The following LRCH3 variants were observed in gnomAD, a reference collection of about 807,000 sequenced individuals.
LRCH3 encodes leucine rich repeats and calponin homology domain containing 3.
LRCH3 carries 68 observed loss-of-function variants against 104.5 expected under a neutral mutation model. The observed-to-expected ratio is 0.65, with a 90% CI of 0.54 to 0.80. The LOEUF is 0.80. Among genes scored for constraint, LRCH3 ranks in the 30% least tolerant of loss-of-function variants. The pLI is 0.00. For synonymous variants in LRCH3, 344 were observed against 361.3 expected, an observed-to-expected ratio of 0.95 and a Z score of 0.54; for missense variants, 951 against 953.9, an observed-to-expected ratio of 1.00 and a Z score of 0.04.
At chr3:197,870,686 G>A (rs1022230003) in intron 18 of LRCH3, among the ~76,000 whole-genome samples, 1 of 151,272 alleles carries the variant, frequency 6.6e-6, no homozygotes, top group South Asian at 2.1e-4. Flanking sequence ...ACAGATTAGT[G>A]CTGGGATTGC....
Position 197,883,744 on chromosome 3 carries a change from T to C in LRCH3, c.*78T>C. On this transcript the variant is annotated 3_prime_UTR_variant, in exon 21 of 21. Transcript: ENST00000425562. The surrounding 1 kb of genome is among the most constrained non-coding windows in gnomAD (Gnocchi z 4.2). ...GTGATTGCTGCTGCCAGCTGTCTGCTTAAACAAAGCTCTTGTGTGTTCTCA... is the reference window on the plus strand; with the variant it reads ...GTGATTGCTGCTGCCAGCTGTCTGCCTAAACAAAGCTCTTGTGTGTTCTCA... 1 of 1,439,888 alleles carries C rather than the reference T, an allele frequency of 6.9e-7. No homozygotes were observed. The highest frequency in any genetic ancestry group is 2.4e-5 in the Admixed American group (1 of 41,106). The allele number at this position is 1,439,888 out of a possible 1,614,324, so 89.2% of individuals were successfully genotyped here.
chr3:197,818,996 C>T (rs753468816), intron 3 of LRCH3, among the ~76,000 whole-genome samples: 5 of 151,876 alleles, frequency 3.3e-5, no homozygotes, highest in African/African-American at 9.7e-5. Context: ...CGTGGTGGCA[C>T]GCACCTGTTA....
chr3:197,876,472 A>T (rs1712901333), intron 20 of LRCH3: 1 of 152,194 alleles, frequency 6.6e-6, no homozygotes, highest in East Asian at 1.9e-4. Context: ...TATAGATGCG[A>T]TTAAGGGAAA....
chr3:197,883,776 A>ACCT lies in LRCH3; in HGVS notation c.*112_*113insTCC, dbSNP rs1231810914. 2 of 1,169,442 alleles carry ACCT rather than the reference A, an allele frequency of 1.7e-6. No individual in the cohort carries two copies. The highest frequency in any genetic ancestry group is 5.8e-5 in the East Asian group (2 of 34,364). 72.4% of individuals were successfully genotyped at this position (1,169,442 alleles called of 1,614,324 possible). On this transcript the variant is annotated 3_prime_UTR_variant, in exon 21 of 21. Transcript: ENST00000425562. The surrounding 1 kb of genome is among the most constrained non-coding windows in gnomAD (Gnocchi z 4.2). The stretch of plus-strand genomic sequence containing the variant: ...AAGCTCTTGTGTGTTCTCAGAAGGG[A>ACCT]CCGTTCCCATGATTCCTAACAGGAA...
intron 14 of LRCH3, among the ~76,000 whole-genome samples, chr3:197,855,206 C>G (rs550105705): frequency 6.6e-6 from 1 of 152,302 alleles, no homozygotes; most frequent in Admixed American, 6.5e-5. Flanking sequence ...GCATGACATT[C>G]CTGTTACATC....
chr3:197,795,160 CAA>C (rs1432711600), intron 1 of LRCH3, among the ~76,000 whole-genome samples: 9 of 152,082 alleles, frequency 5.9e-5, no homozygotes, highest in African/African-American at 1.7e-4. Context: ...CAAGCAGAAA[CAA>C]GAAGGAAAGC....
chr3:197,856,411 T>C lies in LRCH3; in HGVS notation c.1644+1966T>C, dbSNP rs1007555745. Among the ~76,000 whole-genome samples, 1 of 151,982 alleles carries C rather than the reference T, an allele frequency of 6.6e-6. No homozygotes were observed. The highest frequency in any genetic ancestry group is 2.4e-5 in the African/African-American group (1 of 41,424). On this transcript the variant is annotated intron_variant, in intron 14 of 20. Transcript: ENST00000425562. This position sits in a 1 kb window ranked among gnomAD's most constrained non-coding sequence, Gnocchi z 4.2. Reference sequence around the variant, plus strand: ...TTTTTAAATTTAATTTTATTCTTTATTTTTATTTATTTATTTAATTATTTT... The same window carrying C: ...TTTTTAAATTTAATTTTATTCTTTACTTTTATTTATTTATTTAATTATTTT...
rs1733011010 is a variant in LRCH3, at chr3:197,810,576, C to T, written c.263-4332C>T. Among the ~76,000 whole-genome samples, 1 of 152,170 alleles carries T rather than the reference C, an allele frequency of 6.6e-6. No homozygotes were observed. The highest frequency in any genetic ancestry group is 2.1e-4 in the South Asian group (1 of 4,816). ...AGGTTCCTAGCCATCTTCTCTCAAC[C>T]TTTTATCTGTTTTATGTATATTATC... On this transcript the variant is annotated intron_variant, in intron 1 of 20. Transcript: ENST00000425562. The surrounding 1 kb of genome is among the most constrained non-coding windows in gnomAD (Gnocchi z 4.0).
At chr3:197,850,591 C>CT (rs1739453615) in intron 12 of LRCH3, 7 of 1,585,030 alleles carry the variant, frequency 4.4e-6, no homozygotes, top group Non-Finnish European at 4.3e-6. Context: ...ATCTCAGGTG[C>CT]TTTGTTCACT....
In LRCH3 at chr3:197,883,821, A is replaced by G; in HGVS notation, c.*155A>G. The G allele has an allele frequency of 1.4e-6, 1 of 724,540 alleles. No individual in the cohort carries two copies. 44.9% of individuals were successfully genotyped at this position (724,540 alleles called of 1,614,324 possible). A position where few individuals can be genotyped will look rare whatever the true frequency, so the allele number is the denominator to read the frequency against. ...CAGGAATATTTTGCTTCATTTCTCCATTTTAGGGGAGGTTATTTCCATTTC... is the reference window on the plus strand; with the variant it reads ...CAGGAATATTTTGCTTCATTTCTCCGTTTTAGGGGAGGTTATTTCCATTTC... On this transcript the variant is annotated 3_prime_UTR_variant, in exon 21 of 21. Transcript: ENST00000425562. This position sits in a 1 kb window ranked among gnomAD's most constrained non-coding sequence, Gnocchi z 4.2.
chr3:197,847,573 T>C, intron 11 of LRCH3, 113 bp downstream of exon 11: 1 of 874,648 alleles, frequency 1.1e-6, no homozygotes, highest in South Asian at 1.7e-5. Flanking sequence ...TTACTAGCTG[T>C]CTCAATCGAT....
At chr3:197,867,820 A>G (rs1307923418) in intron 17 of LRCH3, among the ~76,000 whole-genome samples, 1 of 152,056 alleles carries the variant, frequency 6.6e-6, no homozygotes, top group Non-Finnish European at 1.5e-5. Context: ...GCACCACCGC[A>G]CTCCAGCCTG....
At chr3:197,791,737 C>CGG (rs1330228519) in intron 1 of LRCH3, among the ~76,000 whole-genome samples, 197 bp downstream of exon 1, 2 of 152,080 alleles carry the variant, frequency 1.3e-5, no homozygotes, top group Non-Finnish European at 1.5e-5. Context: ...AGGCGGCGGG[C>CGG]GGCGGCATCT....
intron 20 of LRCH3, chr3:197,882,226 G>A: frequency 1.0e-6 from 1 of 985,416 alleles, no homozygotes; most frequent in Non-Finnish European, 1.2e-6. Flanking sequence ...GCGCTGCTGA[G>A]AGGAAGAGAC....
Position 197,835,768 on chromosome 3 carries a change from C to G in LRCH3, c.1197C>G (p.Asp399Glu). The stretch of plus-strand genomic sequence containing the variant: ...GACAGCCCAAGGGACCAGACCCAGA[C>G]AGCCTTAGTTCACAGTTTATGGCGT... Reference protein sequence around the residue: ...EVRQPKGPDPDSLSSQFMAYI... With the variant: ...EVRQPKGPDPESLSSQFMAYI... Residue 399 changes from aspartate (D) to glutamate (E), a missense_variant, in exon 9 of 21, where the codon GAC (aspartate) becomes GAG (glutamate). Transcript: ENST00000425562. 2 of 1,614,078 alleles carry G rather than the reference C, an allele frequency of 1.2e-6. No homozygotes were observed.
At chr3:197,852,369 G>GT (rs1272184604) in intron 12 of LRCH3, 192 bp from the exon 13 acceptor site, 5 of 565,180 alleles carry the variant, frequency 8.8e-6, no homozygotes, top group South Asian at 4.5e-5. Context: ...TTATAAATGT[G>GT]TTTGTGTAGA....
In LRCH3 at chr3:197,887,270, T is replaced by C. The variant is rs1476152218; in HGVS notation, c.*3604T>C. The C allele has an allele frequency of 6.6e-6, 1 of 152,442 alleles. No homozygotes were observed. Among genetic ancestry groups the C allele is most frequent in the Admixed American group, 6.5e-5 (1 of 15,278 alleles). 9.4% of individuals were successfully genotyped at this position (152,442 alleles called of 1,614,324 possible). ...CATTTAGCTTTGCTTGACTCCAGTG[T>C]AAGATGAAGATGACCTTGTCACAGC... On this transcript the variant is annotated 3_prime_UTR_variant, in exon 21 of 21. Coordinates refer to ENST00000425562, the MANE Select transcript of LRCH3 (RefSeq NM_001365715.1).
At chr3:197,848,198 G>A (rs186457022) in intron 12 of LRCH3, 177 bp downstream of exon 12, 2 of 588,338 alleles carry the variant, frequency 3.4e-6, no homozygotes, top group South Asian at 2.3e-5. Context: ...GACAGAACAA[G>A]TGATTATCTT....
chr3:197,805,074 G>A (rs1399391226), intron 1 of LRCH3, among the ~76,000 whole-genome samples: 3 of 151,834 alleles, frequency 2.0e-5, no homozygotes, highest in African/African-American at 7.3e-5. Flanking sequence ...TTGTATTTTT[G>A]GTAGAGCTGG....
Sources: allele counts gnomAD v4.1 joint callset (sites outside exome capture counted in the v4.1 genomes callset), GRCh38; gene constraint gnomAD v4.1.1; non-coding constraint Gnocchi (gnomAD v3.1); transcripts MANE v1.5; gene names NCBI Gene and HGNC (gene_info 2026-07-23, HGNC 2026-07-21).